The following MICAL3 variants were observed in gnomAD, a reference collection of about 807,000 sequenced individuals.
MICAL3 encodes microtubule associated monooxygenase, calponin and LIM domain containing 3, also known as [F-actin]-monooxygenase MICAL3.
Under a neutral mutation model 207.4 loss-of-function variants are expected in MICAL3, and 62 were observed. The ratio of observed to expected loss-of-function variants is 0.30; its 90% CI spans 0.24 to 0.37. The LOEUF (loss-of-function observed/expected upper bound fraction) is 0.37, where lower values mean the gene tolerates loss of function less well. MICAL3 is among the 10% of genes least tolerant of loss of function. The pLI is 1.00. For missense variants in MICAL3, 2,368 were observed against 2,635.6 expected, an observed-to-expected ratio of 0.90 and a Z score of 2.22; for synonymous variants, 1,077 against 1,069.3, an observed-to-expected ratio of 1.01 and a Z score of -0.14.
chr22:17,988,472 T>C (rs2146455860), intron 1 of MICAL3, among the ~76,000 whole-genome samples: 1 of 152,356 alleles, frequency 6.6e-6, no homozygotes, highest in East Asian at 1.9e-4. Flanking sequence ...TTTTGTTTCC[T>C]GAGACGGAGT....
chr22:18,016,166 A>T (rs937287730), intron 1 of MICAL3, among the ~76,000 whole-genome samples: 1 of 152,214 alleles, frequency 6.6e-6, no homozygotes, highest in African/African-American at 2.4e-5. Context: ...TTTTACTGTA[A>T]CCTCAATAGC....
chr22:17,880,775 T>A (rs1301769762), intron 16 of MICAL3, among the ~76,000 whole-genome samples: 1 of 152,030 alleles, frequency 6.6e-6, no homozygotes, highest in East Asian at 1.9e-4. Flanking sequence ...GAGGCAGAGC[T>A]CCCAGAATCA....
rs563301348 is a variant in MICAL3 at position 18,012,398 on chromosome 22, G to A, written c.-75+11883C>T. 5.3e-5 allele frequency among the ~76,000 whole-genome samples: 8 copies of A among 152,270 alleles called. No homozygotes were observed. The South Asian group carries it at 1.0e-3, about 20-fold the overall frequency. On this transcript the variant is annotated intron_variant, in intron 1 of 31. Transcript: ENST00000441493. ...TTGACTCTACTGGGCCTCAGGCCTC[G>A]GCCCTCATGGGGAGGGACCCTCTTT...
chr22:17,816,931 G>A, intron 26 of MICAL3, 147 bp from the exon 27 acceptor site: 1 of 698,166 alleles, frequency 1.4e-6, no homozygotes, highest in East Asian at 2.7e-5. Flanking sequence ...ATCCTGGGGA[G>A]CCAGGAGCTG....
intron 13 of MICAL3, among the ~76,000 whole-genome samples, chr22:17,887,832 C>T (rs147818218): frequency 6.6e-6 from 1 of 152,274 alleles, no homozygotes; most frequent in Non-Finnish European, 1.5e-5. Context: ...GCGATGAACT[C>T]AGGGTTCCTG....
At chr22:17,858,964 G>A (rs1437130318) in intron 19 of MICAL3, among the ~76,000 whole-genome samples, 1 of 152,064 alleles carries the variant, frequency 6.6e-6, no homozygotes, top group Non-Finnish European at 1.5e-5. Context: ...CACTTATTGC[G>A]CCCCCCACAT....
chr22:17,794,394 G>T (rs1044310363), intron 29 of MICAL3, among the ~76,000 whole-genome samples: 1 of 152,280 alleles, frequency 6.6e-6, no homozygotes. Flanking sequence ...CCACAGGTAT[G>T]TGCCTGAGGC....
Position 18,022,302 on chromosome 22 carries a change from G to C in MICAL3, c.-75+1979C>G, listed in dbSNP as rs2034298. Among the ~76,000 whole-genome samples the C allele has an allele frequency of 2.7e-4, 41 of 152,112 alleles. No homozygotes were observed. In the Middle Eastern group the frequency reaches 0.02, roughly 76 times the overall value. On this transcript the variant is annotated intron_variant, in intron 1 of 31. Transcript: ENST00000441493. Reference sequence around the variant, plus strand: ...TTTCTAGGATTTCCCATAGGCTTACGAGGGACTCGCCATGTGGAAGGATTT... The same window carrying C: ...TTTCTAGGATTTCCCATAGGCTTACCAGGGACTCGCCATGTGGAAGGATTT...
At chr22:17,948,453 T>C (rs1014168798) in intron 1 of MICAL3, among the ~76,000 whole-genome samples, 2 of 152,174 alleles carry the variant, frequency 1.3e-5, no homozygotes, top group Admixed American at 1.3e-4. Flanking sequence ...GCCCAGCTCC[T>C]GCTCCTCCCC....
intron 22 of MICAL3, among the ~76,000 whole-genome samples, chr22:17,826,680 CTG>C (rs1922221484): frequency 6.6e-6 from 1 of 151,598 alleles, no homozygotes; most frequent in Non-Finnish European, 1.5e-5. Context: ...TGATGTTAGC[CTG>C]TGTGATGGAG....
intron 17 of MICAL3, among the ~76,000 whole-genome samples, chr22:17,870,631 C>T (rs962752517): frequency 1.3e-5 from 2 of 152,180 alleles, no homozygotes; most frequent in Admixed American, 6.5e-5. Flanking sequence ...GACAGCTCAG[C>T]GAGGTTGGGT....
chr22:17,821,322 A>C, intron 25 of MICAL3, 105 bp downstream of exon 25: 1 of 945,838 alleles, frequency 1.1e-6, no homozygotes, highest in Non-Finnish European at 1.5e-6. Context: ...TGTTAGCCCC[A>C]GTCTTGGTGG....
Position 17,818,203 on chromosome 22 carries a change from G to A in MICAL3, c.4458C>T (p.Val1486=), listed in dbSNP as rs749665064. The stretch of plus-strand genomic sequence containing the variant: ...TCCAGGTGGCGGGCAAGGGCGGCGG[G>A]ACCACCGAGGCATTGGGCTCGGCCT... The part of the protein sequence containing the change: ...LREAEPNASV[V]PPPLPATWMR... Residue 1486 remains valine, a synonymous_variant, in exon 26 of 32, where the codon GTC becomes GTT. Transcript: ENST00000441493. 2 of 1,543,272 alleles carry A rather than the reference G, an allele frequency of 1.3e-6. No homozygotes were observed. Among genetic ancestry groups the A allele is most frequent in the African/African-American group, 1.4e-5 (1 of 72,868 alleles).
chr22:17,810,633 C>G (rs995319286), intron 28 of MICAL3, 70 bp downstream of exon 28: 1 of 1,248,562 alleles, frequency 8.0e-7, no homozygotes, highest in Admixed American at 1.7e-5. Context: ...CAGGGAGCAG[C>G]TGGGTGGATA....
intron 1 of MICAL3, among the ~76,000 whole-genome samples, chr22:17,928,363 C>CG (rs1361637889): frequency 6.6e-6 from 1 of 151,542 alleles, no homozygotes; most frequent in Non-Finnish European, 1.5e-5. Flanking sequence ...GGCGTGAACC[C>CG]GGGAGGCGGA....
At chr22:17,806,017 A>G (rs1164118057) in intron 29 of MICAL3, among the ~76,000 whole-genome samples, 4 of 152,340 alleles carry the variant, frequency 2.6e-5, no homozygotes, top group African/African-American at 9.6e-5. Context: ...GGCGTGAGCC[A>G]CCGCGCCCGG....
chr22:17,841,620 A>C lies in MICAL3; in HGVS notation c.2801+202T>G, dbSNP rs1399018717. 2 of 596,814 alleles carry C rather than the reference A, an allele frequency of 3.4e-6. No individual in the cohort carries two copies. The highest frequency in any genetic ancestry group is 6.0e-6 in the Non-Finnish European group (2 of 335,004). The allele number at this position is 596,814 out of a possible 1,614,324, so 37.0% of individuals were successfully genotyped here. On this transcript the variant is annotated intron_variant, in intron 20 of 31. Transcript: ENST00000441493. The surrounding 1 kb of genome is among the most constrained non-coding windows in gnomAD (Gnocchi z 4.2). Reference sequence around the variant, plus strand: ...TCCTCAAGGAATAAATACTTCCTGAATCTCTGAATTGAGTCTGATGGAGGA... The same window carrying C: ...TCCTCAAGGAATAAATACTTCCTGACTCTCTGAATTGAGTCTGATGGAGGA...
chr22:17,865,988 T>C lies in MICAL3; in HGVS notation c.2453A>G (p.Tyr818Cys), dbSNP rs1334217953. 3 of 1,613,792 alleles carry C rather than the reference T, an allele frequency of 1.9e-6. No individual in the cohort carries two copies. Among genetic ancestry groups the C allele is most frequent in the East Asian group, 2.2e-5 (1 of 44,876 alleles). ...EDGKFYCKPH[Y>C]CYRLSGYAQR... ...TGCGTAGCCAGAGAGTCGATAGCAG[T>C]AGTGTGGCTTACAGTAGAATTTACC... The change falls in exon 18 of 32, where the codon TAC becomes TGC. Residue 818 changes from tyrosine to cysteine, a missense_variant. This residue lies in a region of MICAL3 where 1,770 missense variants were observed against 1,863.2 expected (regional missense o/e 0.95). Transcript: ENST00000441493.
At chr22:17,884,351 T>C in intron 16 of MICAL3, 1 of 1,590,564 alleles carries the variant, frequency 6.3e-7, no homozygotes. Flanking sequence ...CCCACGCTCT[T>C]GTGTCAGCTG....
Sources: allele counts gnomAD v4.1 joint callset (sites outside exome capture counted in the v4.1 genomes callset), GRCh38; gene constraint gnomAD v4.1.1; regional missense constraint gnomAD v4.1.1; non-coding constraint Gnocchi (gnomAD v3.1); transcripts MANE v1.5; gene names NCBI Gene and HGNC (gene_info 2026-07-23, HGNC 2026-07-21).